The following CASS4 variants were observed in gnomAD, a reference collection of about 807,000 sequenced individuals.
CASS4 encodes the protein cas scaffolding protein family member 4.
CASS4 carries 22 observed loss-of-function variants against 54.2 expected under a neutral mutation model. That is an observed-to-expected ratio of 0.41 (90% CI 0.29 to 0.58). CASS4 has a LOEUF of 0.58. Ranked by LOEUF, CASS4 falls within the 20% of genes least tolerant of loss-of-function variation. The probability of loss-of-function intolerance (pLI) is 0.36; values close to 1 mark genes in which losing one functional copy is unlikely to be tolerated. For synonymous variants in CASS4, 409 were observed against 391.5 expected, an observed-to-expected ratio of 1.04 and a Z score of -0.53; for missense variants, 854 against 986.7, an observed-to-expected ratio of 0.87 and a Z score of 1.80.
intron 5 of CASS4, 118 bp downstream of exon 5, chr20:56,453,247 A>C: frequency 1.4e-6 from 1 of 697,712 alleles, no homozygotes; most frequent in Non-Finnish European, 2.3e-6. Flanking sequence ...CACTGGTTCC[A>C]TTTTCTAGAA....
chr20:56,432,901 C>T (rs2064862), intron 1 of CASS4, among the ~76,000 whole-genome samples: 3 of 151,690 alleles, frequency 2.0e-5, no homozygotes, highest in South Asian at 2.1e-4. Context: ...TGGGCAGGGG[C>T]GTCACAGAAA....
intron 1 of CASS4, among the ~76,000 whole-genome samples, chr20:56,429,587 A>C (rs1483839140): frequency 6.6e-6 from 1 of 152,006 alleles, no homozygotes; most frequent in East Asian, 1.9e-4. Context: ...CAGTTCCTCC[A>C]ACTTTCCATG....
chr20:56,413,355 A>G (rs577897267), intron 1 of CASS4, among the ~76,000 whole-genome samples: 2 of 152,160 alleles, frequency 1.3e-5, no homozygotes, highest in South Asian at 2.1e-4. Flanking sequence ...ATAAAAATCA[A>G]TGCTTATTTT....
chr20:56,449,066 C>G (rs2146292679), intron 3 of CASS4, among the ~76,000 whole-genome samples: 1 of 152,292 alleles, frequency 6.6e-6, no homozygotes, highest in South Asian at 2.1e-4. Flanking sequence ...CCTCAAGGAT[C>G]TAGAACTAGA....
intron 3 of CASS4, among the ~76,000 whole-genome samples, chr20:56,450,251 C>T (rs1191665359): frequency 1.3e-5 from 2 of 152,096 alleles, no homozygotes; most frequent in African/African-American, 2.4e-5. Flanking sequence ...CTCGAACTCC[C>T]GACCTCAGGT....
Position 56,412,296 on chromosome 20 carries a change from T to G in CASS4, c.-163T>G, listed in dbSNP as rs1978912006. On this transcript the variant is annotated 5_prime_UTR_variant, in exon 1 of 6. Coordinates refer to ENST00000679887, the MANE Select transcript of CASS4 (RefSeq NM_020356.4). This position sits in a 1 kb window ranked among gnomAD's most constrained non-coding sequence, Gnocchi z 4.2. ...TATCGTGCTTTCCAGAAAGTTTGCC[T>G]GCTGGGAGAGTCTTTTTGATCGTTT... 1 of 757,190 alleles carries G rather than the reference T, an allele frequency of 1.3e-6. No individual in the cohort carries two copies. The highest frequency in any genetic ancestry group is 1.8e-5 in the African/African-American group (1 of 56,372). The allele number at this position is 757,190 out of a possible 1,614,324, so 46.9% of individuals were successfully genotyped here. A position where few individuals can be genotyped will look rare whatever the true frequency, so the allele number is the denominator to read the frequency against.
chr20:56,450,263 A>G (rs538698655), intron 3 of CASS4, among the ~76,000 whole-genome samples: 21 of 152,302 alleles, frequency 1.4e-4, no homozygotes, highest in African/African-American at 5.1e-4. Context: ...ACCTCAGGTG[A>G]TCCTCCTGCC....
intron 5 of CASS4, among the ~76,000 whole-genome samples, chr20:56,456,342 A>T (rs1367385188): frequency 6.6e-6 from 1 of 151,608 alleles, no homozygotes; most frequent in East Asian, 1.9e-4. Context: ...TCATAATCTG[A>T]TGCCTACCTC....
intron 5 of CASS4, 52 bp from the exon 6 acceptor site, chr20:56,458,288 C>T (rs754345307): frequency 2.0e-5 from 30 of 1,530,134 alleles, no homozygotes; most frequent in Non-Finnish European, 2.3e-5. Context: ...GGGCAGACAG[C>T]CACAGCCCAT....
At chr20:56,439,835 T>C (rs1234847640) in intron 2 of CASS4, among the ~76,000 whole-genome samples, 1 of 152,230 alleles carries the variant, frequency 6.6e-6, no homozygotes, top group Non-Finnish European at 1.5e-5. Context: ...CCTCAGTCAC[T>C]GCAGGCATTT....
At chr20:56,449,999 CTT>C (rs1980915745) in intron 3 of CASS4, among the ~76,000 whole-genome samples, 1 of 149,656 alleles carries the variant, frequency 6.7e-6, no homozygotes, top group Non-Finnish European at 1.5e-5. Context: ...TTAAGGCTCT[CTT>C]GTTTGCCCCC....
chr20:56,418,615 T>C (rs1402759454), intron 1 of CASS4, among the ~76,000 whole-genome samples: 1 of 152,240 alleles, frequency 6.6e-6, no homozygotes, highest in African/African-American at 2.4e-5. Context: ...GGTACCCTGC[T>C]CTTCTCCATG....
At chr20:56,425,067 G>T (rs985163525) in intron 1 of CASS4, among the ~76,000 whole-genome samples, 1 of 152,170 alleles carries the variant, frequency 6.6e-6, no homozygotes, top group Non-Finnish European at 1.5e-5. Context: ...TCCTAACTTT[G>T]GCCTTGGGGA....
At chr20:56,442,045 G>A (rs868549413) in intron 2 of CASS4, among the ~76,000 whole-genome samples, 27 of 148,922 alleles carry the variant, frequency 1.8e-4, no homozygotes, top group Non-Finnish European at 2.8e-4. Flanking sequence ...GTTGGTAGAC[G>A]GGGCAACTCT....
At chr20:56,429,218 G>A (rs772807579) in intron 1 of CASS4, among the ~76,000 whole-genome samples, 4 of 152,172 alleles carry the variant, frequency 2.6e-5, no homozygotes, top group African/African-American at 4.8e-5. Flanking sequence ...TACCACCATG[G>A]ATGATGAAAG....
chr20:56,417,755 GT>G (rs1487582913), intron 1 of CASS4, among the ~76,000 whole-genome samples: 4 of 152,212 alleles, frequency 2.6e-5, no homozygotes, highest in Non-Finnish European at 5.9e-5. Context: ...GTCAGCAGGT[GT>G]TTGGCAACGG....
chr20:56,430,770 C>T lies in CASS4; in HGVS notation c.37-6394C>T, dbSNP rs1979866228. On this transcript the variant is annotated intron_variant, in intron 1 of 5. Coordinates refer to ENST00000679887, the MANE Select transcript of CASS4 (RefSeq NM_020356.4). The surrounding 1 kb of genome is among the most constrained non-coding windows in gnomAD (Gnocchi z 4.2). ...TGCAAAGGGGTGACTCGAGCTGAGA[C>T]CCAGAGGAGGAGGATCTGGCGGAAG... Among the ~76,000 whole-genome samples the T allele has an allele frequency of 6.6e-6, 1 of 152,064 alleles. No homozygotes were observed. Among genetic ancestry groups the T allele is most frequent in the South Asian group, 2.1e-4 (1 of 4,828 alleles).
At position 56,452,564 on chromosome 20, in the gene CASS4, G is replaced by T. The variant is rs767310064; in HGVS notation, c.1388G>T (p.Ser463Ile). ...SSVAGLMLFV[S>I]RKWRFRDYLE... ...GTCGCTGGCCTGATGCTCTTTGTCA[G>T]CAGGAAGTGGAGATTCCGAGACTAT... Residue 463 changes from serine (S) to isoleucine (I), a missense_variant, in exon 5 of 6, where the codon AGC (serine) becomes ATC (isoleucine). By Grantham distance (142) the Ser-to-Ile change is moderately radical. Transcript: ENST00000679887. 6.2e-7 allele frequency: 1 copy of T among 1,614,166 alleles called. No individual in the cohort carries two copies. Among genetic ancestry groups the T allele is most frequent in the South Asian group, 1.1e-5 (1 of 91,082 alleles).
chr20:56,426,297 T>A (rs1979634377), intron 1 of CASS4, among the ~76,000 whole-genome samples: 1 of 152,210 alleles, frequency 6.6e-6, no homozygotes, highest in African/African-American at 2.4e-5. Context: ...TAGTACCTGC[T>A]TCATAAGGTT....
Sources: allele counts gnomAD v4.1 joint callset (sites outside exome capture counted in the v4.1 genomes callset), GRCh38; gene constraint gnomAD v4.1.1; non-coding constraint Gnocchi (gnomAD v3.1); transcripts MANE v1.5; gene names NCBI Gene and HGNC (gene_info 2026-07-23, HGNC 2026-07-21).